Variants in ABCG5 observed in about 807,000 individuals in gnomAD.
ABCG5 encodes ATP-binding cassette sub-family G member 5.
A neutral mutation model predicts 64.5 loss-of-function variants in ABCG5; 64 were observed. That is an observed-to-expected ratio of 0.99 (90% CI 0.81 to 1.22). The LOEUF is 1.22. ABCG5 is among the 50% of genes most tolerant of loss of function. ABCG5 has a pLI of 0.00. For missense variants in ABCG5, 908 were observed against 829.5 expected, an observed-to-expected ratio of 1.09 and a Z score of -1.16; for synonymous variants, 385 against 326.3, an observed-to-expected ratio of 1.18 and a Z score of -1.94.
chr2:43,823,181 G>T (rs1310802994), intron 9 of ABCG5, among the ~76,000 whole-genome samples: 5 of 152,126 alleles, frequency 3.3e-5, no homozygotes, highest in African/African-American at 4.8e-5. Flanking sequence ...TCTCTAAAGT[G>T]GGGAGTTGTC....
chr2:43,822,806 A>T lies in ABCG5; in HGVS notation c.1454T>A (p.Val485Glu). The T allele has an allele frequency of 6.2e-7, 1 of 1,614,140 alleles. No homozygotes were observed. Among genetic ancestry groups the T allele is most frequent in the Non-Finnish European group, 8.5e-7 (1 of 1,180,006 alleles). ...CTGAACAACCCCTCACCAGTAGCAC[A>T]CACTGCTGAAAATCATGGTGGCAAC... The part of the protein sequence containing the change: ...SVVATMIFSS[V>E]CYWTLGLHPE... Residue 485 changes from valine to glutamate, a missense_variant, in exon 10 of 13, where the codon GTG becomes GAG. By Grantham distance (121) the Val-to-Glu change is moderately radical (BLOSUM62 -2). Coordinates refer to ENST00000405322, the MANE Select transcript of ABCG5 (RefSeq NM_022436.3).
Position 43,827,993 on chromosome 2 carries a change from G to T in ABCG5, c.624C>A (p.Leu208=), listed in dbSNP as rs746717666. The change falls in exon 5 of 13, where the codon CTC becomes CTA. Residue 208 remains leucine, a synonymous_variant. Transcript: ENST00000405322. ...CTGGGTGCCACTTACTAGGATCCTG[G>T]AGCAGCTGGGCTGCGATGGAGACCC... ...RRRVSIAAQL[L]QDPKVMLFDE... 6.2e-7 allele frequency: 1 copy of T among 1,614,008 alleles called. No homozygotes were observed. The highest frequency in any genetic ancestry group is 2.2e-5 in the East Asian group (1 of 44,882).
At chr2:43,836,533 G>A (rs1668279016) in intron 2 of ABCG5, among the ~76,000 whole-genome samples, 1 of 152,198 alleles carries the variant, frequency 6.6e-6, no homozygotes, top group South Asian at 2.1e-4. Flanking sequence ...CAGACACTGT[G>A]GTGTGCCACA....
At chr2:43,827,940 G>T in intron 5 of ABCG5, 43 bp downstream of exon 5, 1 of 1,612,104 alleles carries the variant, frequency 6.2e-7, no homozygotes, top group Non-Finnish European at 8.5e-7. Flanking sequence ...ACACACAGAA[G>T]ATGCCCAGAC....
rs148081474 is a variant in ABCG5 at position 43,828,991 on chromosome 2, CAAATA to C, written c.502-881_502-877del. On this transcript the variant is annotated intron_variant, in intron 4 of 12. Transcript: ENST00000405322. ...AAAAAAATAATAATAAATAAATAAA[CAAATA>C]AAATAAAATAAGATTCCCTAGAACA... Among the ~76,000 whole-genome samples the C allele has an allele frequency of 7.9e-3, 1,193 of 151,896 alleles. 14 individuals carry two copies. The highest frequency in any genetic ancestry group is 0.028 in the African/African-American group (1,144 of 41,466).
intron 5 of ABCG5, among the ~76,000 whole-genome samples, chr2:43,827,245 A>C (rs55827398): frequency 0.016 from 2,382 of 151,986 alleles, 32 homozygotes; most frequent in Non-Finnish European, 0.025. Context: ...GAATCGCTTC[A>C]ACCTGGGAGG....
At chr2:43,810,151 C>T, downstream of ABCG5, 1 of 353,788 alleles carries the variant, frequency 2.8e-6, no homozygotes, top group East Asian at 1.6e-4. Context: ...TTCTAAAAGG[C>T]ATTCTCAGCT....
Position 43,838,286 on chromosome 2 carries a change from A to T in ABCG5, c.143+251T>A. On this transcript the variant is annotated intron_variant, in intron 1 of 12. Coordinates refer to ENST00000405322, the MANE Select transcript of ABCG5 (RefSeq NM_022436.3). This position sits in a 1 kb window ranked among gnomAD's most constrained non-coding sequence, Gnocchi z 4.2. ...CATCCACAGAGGGCAGGCCGTAGACACTGGGTTGGCAGGGCACTGCTGCCA... is the reference window on the plus strand; with the variant it reads ...CATCCACAGAGGGCAGGCCGTAGACTCTGGGTTGGCAGGGCACTGCTGCCA... 3.3e-6 allele frequency: 2 copies of T among 598,790 alleles called. No homozygotes were observed. Among genetic ancestry groups the T allele is most frequent in the South Asian group, 4.0e-5 (2 of 49,836 alleles). The allele number at this position is 598,790 out of a possible 1,614,324, so 37.1% of individuals were successfully genotyped here.
Position 43,825,033 on chromosome 2 carries a change from G to T in ABCG5, c.775-15C>A, listed in dbSNP as rs757298700. 3.7e-6 allele frequency: 6 copies of T among 1,613,040 alleles called. No homozygotes were observed. The highest frequency in any genetic ancestry group is 4.2e-6 in the Non-Finnish European group (5 of 1,179,482). ...TTGTCAAAGAGCTGACCAGACAACA[G>T]ACGTAGTTAGTGTGTGATCACAAGG... On this transcript the variant is annotated splice_polypyrimidine_tract_variant and intron_variant, in intron 6 of 12. Transcript: ENST00000405322.
chr2:43,818,265 G>A (rs955485249), intron 11 of ABCG5, among the ~76,000 whole-genome samples: 2 of 151,974 alleles, frequency 1.3e-5, no homozygotes, highest in Non-Finnish European at 2.9e-5. Context: ...CCAACATGGC[G>A]AAACCCCATC....
intron 2 of ABCG5, chr2:43,832,329 C>T (rs946583026): frequency 1.5e-5 from 9 of 597,006 alleles, no homozygotes; most frequent in Middle Eastern, 4.4e-4. Flanking sequence ...CATGCCATTT[C>T]TCTCATCTGG....
rs775594151 is a variant in ABCG5 at position 43,828,008 on chromosome 2, G to A, written c.609C>T (p.Ile203=). 30 of 1,613,970 alleles carry A rather than the reference G, an allele frequency of 1.9e-5. No homozygotes were observed. Among genetic ancestry groups the A allele is most frequent in the East Asian group, 4.5e-5 (2 of 44,902 alleles). ...ISTGERRRVS[I]AAQLLQDPKV... ...TAGGATCCTGGAGCAGCTGGGCTGC[G>A]ATGGAGACCCGGCGCCGCTCACCCG... is the stretch of plus-strand genomic sequence containing the variant. Residue 203 remains isoleucine (I), a synonymous_variant, in exon 5 of 13, where the codon ATC becomes ATT. Transcript: ENST00000405322.
At position 43,823,981 on chromosome 2, in the gene ABCG5, C is replaced by G. The variant is rs119479067; in HGVS notation, c.1256G>C (p.Arg419Pro). 1 of 1,614,064 alleles carries G rather than the reference C, an allele frequency of 6.2e-7. No homozygotes were observed. The highest frequency in any genetic ancestry group is 8.5e-7 in the Non-Finnish European group (1 of 1,180,042). Reference sequence around the variant, plus strand: ...CACAAACTGGTAAAGGAGACCTACGCGGTCCTGGATAGCACCCTTTAGCAC... The same window carrying G: ...CACAAACTGGTAAAGGAGACCTACGGGGTCCTGGATAGCACCCTTTAGCAC... Reference protein sequence around the residue: ...SNVLKGAIQDRVGLLYQFVGA... With the variant: ...SNVLKGAIQDPVGLLYQFVGA... Residue 419 changes from arginine (R) to proline (P), a missense_variant, in exon 9 of 13, where the codon CGC becomes CCC. Transcript: ENST00000405322.
downstream of ABCG5, among the ~76,000 whole-genome samples, chr2:43,810,974 C>T (rs1572730989): frequency 6.6e-6 from 1 of 152,236 alleles, no homozygotes; most frequent in East Asian, 1.9e-4. Flanking sequence ...TGTTGAAAGC[C>T]ATTGTGTTTT....
chr2:43,810,261 G>A (rs1666436147), downstream of ABCG5: 8 of 699,408 alleles, frequency 1.1e-5, no homozygotes, highest in South Asian at 5.2e-4. Flanking sequence ...CACATTCCCA[G>A]GTCCCCACAC....
At chr2:43,814,373 G>T in intron 12 of ABCG5, 104 bp downstream of exon 12, 1 of 762,994 alleles carries the variant, frequency 1.3e-6, no homozygotes, top group South Asian at 1.6e-5. Flanking sequence ...GTTTTAAATT[G>T]AATTATTATA....
chr2:43,829,239 A>G (rs1348798895), intron 4 of ABCG5, among the ~76,000 whole-genome samples: 1 of 152,156 alleles, frequency 6.6e-6, no homozygotes, highest in Non-Finnish European at 1.5e-5. Context: ...TTTGAACTAA[A>G]CCTGTTTCCC....
intron 10 of ABCG5, among the ~76,000 whole-genome samples, chr2:43,820,995 C>T (rs1667159296): frequency 6.6e-6 from 1 of 151,912 alleles, no homozygotes; most frequent in Non-Finnish European, 1.5e-5. Flanking sequence ...TATATCCATG[C>T]ACCTTTCCTC....
rs770777560 is a variant in ABCG5, at chr2:43,827,995, G to T, written c.622C>A (p.Leu208Ile). The stretch of plus-strand genomic sequence containing the variant: ...GGGTGCCACTTACTAGGATCCTGGA[G>T]CAGCTGGGCTGCGATGGAGACCCGG... ...RRRVSIAAQL[L>I]QDPKVMLFDE... The change falls in exon 5 of 13, where the codon CTC becomes ATC. Residue 208 changes from leucine to isoleucine, a missense_variant. Leu to Ile is a conservative substitution (Grantham distance 5, BLOSUM62 2). Coordinates refer to ENST00000405322, the MANE Select transcript of ABCG5 (RefSeq NM_022436.3). 9.3e-6 allele frequency: 15 copies of T among 1,614,086 alleles called. No homozygotes were observed. The highest frequency in any genetic ancestry group is 1.3e-5 in the Non-Finnish European group (15 of 1,180,024).
Sources: allele counts gnomAD v4.1 joint callset (sites outside exome capture counted in the v4.1 genomes callset), GRCh38; gene constraint gnomAD v4.1.1; non-coding constraint Gnocchi (gnomAD v3.1); transcripts MANE v1.5; gene names NCBI Gene and HGNC (gene_info 2026-07-23, HGNC 2026-07-21).